SMC5: variants seen among roughly 807,000 people sequenced by gnomAD.
SMC5 encodes the protein structural maintenance of chromosomes protein 5.
SMC5 carries 88 observed loss-of-function variants against 148.3 expected under a neutral mutation model. That is an observed-to-expected ratio of 0.59 (90% CI 0.50 to 0.71). The LOEUF is 0.71. Among genes scored for constraint, SMC5 ranks in the 30% least tolerant of loss-of-function variants. The pLI is 0.00. For synonymous variants in SMC5, 421 were observed against 432.8 expected, an observed-to-expected ratio of 0.97 and a Z score of 0.34; for missense variants, 1,142 against 1,298.9, an observed-to-expected ratio of 0.88 and a Z score of 1.86.
chr9:70,326,376 C>A (rs556524597), intron 17 of SMC5, among the ~76,000 whole-genome samples: 1 of 151,788 alleles, frequency 6.6e-6, no homozygotes, highest in Non-Finnish European at 1.5e-5. Context: ...TGAAAACTTA[C>A]GTAAATGGAT....
chr9:70,278,092 C>G (rs1346233018), intron 4 of SMC5, among the ~76,000 whole-genome samples: 1 of 151,978 alleles, frequency 6.6e-6, no homozygotes, highest in Admixed American at 6.6e-5. Context: ...TATTTTAACA[C>G]TTACCAGCTG....
chr9:70,278,360 A>T (rs1324604592), intron 4 of SMC5, 131 bp from the exon 5 acceptor site: 4 of 807,802 alleles, frequency 5.0e-6, no homozygotes, highest in Non-Finnish European at 7.5e-6. Flanking sequence ...AGAATAATGC[A>T]CAAAAGGTTT....
At chr9:70,333,380 G>A in intron 17 of SMC5, among the ~76,000 whole-genome samples, 1 of 151,966 alleles carries the variant, frequency 6.6e-6, no homozygotes, top group East Asian at 1.9e-4. Flanking sequence ...CGAGGCTGGA[G>A]GATGGCTTGA....
At chr9:70,300,542 C>T (rs1201888128) in intron 10 of SMC5, among the ~76,000 whole-genome samples, 3 of 151,926 alleles carry the variant, frequency 2.0e-5, no homozygotes, top group African/African-American at 7.2e-5. Flanking sequence ...AGGTAGAATG[C>T]TGCTGTAAAT....
chr9:70,344,783 G>A (rs2036622936), intron 18 of SMC5: 1 of 151,990 alleles, frequency 6.6e-6, no homozygotes, highest in South Asian at 2.1e-4. Context: ...CGTTAATTAT[G>A]TACCTCTGTG....
At chr9:70,338,937 C>T (rs2036437384) in intron 17 of SMC5, among the ~76,000 whole-genome samples, 1 of 152,148 alleles carries the variant, frequency 6.6e-6, no homozygotes, top group Non-Finnish European at 1.5e-5. Context: ...AGGAGGATCA[C>T]TTGAGTCCAG....
chr9:70,315,593 A>T lies in SMC5; in HGVS notation c.1806+15A>T, dbSNP rs2035779862. On this transcript the variant is annotated intron_variant, in intron 13 of 24. Transcript: ENST00000361138. ...GAATTGAACGGGTAGGAAAGTAGTG[A>T]ATCATGTACTGAATCATGTACCAAA... 6.6e-7 allele frequency: 1 copy of T among 1,519,410 alleles called. No homozygotes were observed. The highest frequency in any genetic ancestry group is 1.4e-5 in the African/African-American group (1 of 72,926). 94.1% of individuals were successfully genotyped at this position (1,519,410 alleles called of 1,614,324 possible). A position where few individuals can be genotyped will look rare whatever the true frequency, so the allele number is the denominator to read the frequency against.
Position 70,267,929 on chromosome 9 carries a change from T to C in SMC5, c.334T>C (p.Phe112Leu). Reference sequence around the variant, plus strand: ...TTTCTTTTTTATGTCTTAGGTTGGGTTTTTTGTGAAGAGAGGATGTTCTAG... The same window carrying C: ...TTTCTTTTTTATGTCTTAGGTTGGGCTTTTTGTGAAGAGAGGATGTTCTAG... ...AFMGRADKVGFFVKRGCSRGM... is the reference protein window; with the variant it reads ...AFMGRADKVGLFVKRGCSRGM... The change falls in exon 3 of 25, where the codon TTT (phenylalanine) becomes CTT (leucine). Residue 112 changes from phenylalanine to leucine, a missense_variant. Phe to Leu is a conservative substitution (Grantham distance 22). This residue lies in a region of SMC5 where 297 missense variants were observed against 302.6 expected (regional missense o/e 0.98). Coordinates refer to ENST00000361138, the MANE Select transcript of SMC5 (RefSeq NM_015110.4). 2 of 1,612,934 alleles carry C rather than the reference T, an allele frequency of 1.2e-6. No homozygotes were observed. The highest frequency in any genetic ancestry group is 8.5e-7 in the Non-Finnish European group (1 of 1,179,532).
chr9:70,308,270 T>C (rs1221284000), intron 11 of SMC5, among the ~76,000 whole-genome samples: 1 of 152,102 alleles, frequency 6.6e-6, no homozygotes, highest in Admixed American at 6.6e-5. Flanking sequence ...GTATATTTAG[T>C]AATTTGTTCA....
At chr9:70,270,303 C>T (rs1452796183) in intron 3 of SMC5, among the ~76,000 whole-genome samples, 7 of 152,114 alleles carry the variant, frequency 4.6e-5, no homozygotes, top group Non-Finnish European at 7.4e-5. Context: ...TGGAAGGGTC[C>T]GGAGTGCAGG....
chr9:70,348,938 A>G (rs1409047626), intron 22 of SMC5, among the ~76,000 whole-genome samples: 3 of 152,214 alleles, frequency 2.0e-5, no homozygotes, highest in African/African-American at 7.2e-5. Flanking sequence ...CTGTCTCAAA[A>G]AAAAAGTAAC....
chr9:70,334,692 T>A, intron 17 of SMC5, among the ~76,000 whole-genome samples: 1 of 152,098 alleles, frequency 6.6e-6, no homozygotes, highest in Admixed American at 6.6e-5. Context: ...TTAATTTCCT[T>A]ATTGGCCTTT....
At chr9:70,323,000 C>T (rs1415710643) in intron 15 of SMC5, among the ~76,000 whole-genome samples, 2 of 152,174 alleles carry the variant, frequency 1.3e-5, no homozygotes, top group Non-Finnish European at 2.9e-5. Flanking sequence ...TTGTACCATT[C>T]TGGCCACTCT....
At chr9:70,337,773 G>A (rs1340691108) in intron 17 of SMC5, among the ~76,000 whole-genome samples, 2 of 151,962 alleles carry the variant, frequency 1.3e-5, no homozygotes, top group African/African-American at 4.8e-5. Flanking sequence ...ACTGTTTTGA[G>A]TAGAGCTGAC....
intron 17 of SMC5, among the ~76,000 whole-genome samples, chr9:70,338,061 C>T (rs769605881): frequency 1.3e-5 from 2 of 152,106 alleles, no homozygotes; most frequent in African/African-American, 2.4e-5. Flanking sequence ...CTCACCCAGG[C>T]TGAAGTGCGG....
chr9:70,262,557 G>C (rs2034168071), intron 1 of SMC5, among the ~76,000 whole-genome samples: 1 of 152,182 alleles, frequency 6.6e-6, no homozygotes. Flanking sequence ...TTCACTAAGA[G>C]ACCACAAGAG....
chr9:70,279,970 A>G (rs1241916309), intron 5 of SMC5, among the ~76,000 whole-genome samples: 1 of 152,144 alleles, frequency 6.6e-6, no homozygotes, highest in Admixed American at 6.5e-5. Context: ...GCTTTCTCTT[A>G]AACTGTGACT....
chr9:70,327,548 A>G (rs928594613), intron 17 of SMC5, among the ~76,000 whole-genome samples: 3 of 152,210 alleles, frequency 2.0e-5, no homozygotes, highest in Admixed American at 6.6e-5. Flanking sequence ...GTCGCTTTGG[A>G]GGATACTGGG....
At chr9:70,307,118 C>T (rs1185889727) in intron 11 of SMC5, among the ~76,000 whole-genome samples, 1 of 152,174 alleles carries the variant, frequency 6.6e-6, no homozygotes, top group Non-Finnish European at 1.5e-5. Flanking sequence ...ATAGGCCAGG[C>T]ATGGTGGTTC....
Sources: allele counts gnomAD v4.1 joint callset (sites outside exome capture counted in the v4.1 genomes callset), GRCh38; gene constraint gnomAD v4.1.1; regional missense constraint gnomAD v4.1.1; transcripts MANE v1.5; gene names NCBI Gene and HGNC (gene_info 2026-07-23, HGNC 2026-07-21).